ZFAND3: variants seen among roughly 807,000 people sequenced by gnomAD.
The protein encoded by ZFAND3 is zinc finger AN1-type containing 3.
Under a neutral mutation model 29.6 loss-of-function variants are expected in ZFAND3, and 10 were observed. That is an observed-to-expected ratio of 0.34 (90% CI 0.21 to 0.57). The LOEUF (loss-of-function observed/expected upper bound fraction) is 0.57, where lower values mean the gene tolerates loss of function less well. Ranked by LOEUF, ZFAND3 falls within the 20% of genes least tolerant of loss-of-function variation. The pLI, the probability that ZFAND3 is intolerant of heterozygous loss-of-function variation, is 0.86. For synonymous variants in ZFAND3, 128 were observed against 112.6 expected (o/e 1.14, Z -0.87); for missense variants, 230 against 304.5 (o/e 0.76, Z 1.82).
At chr6:37,914,387 C>G (rs984379277) in intron 1 of ZFAND3, among the ~76,000 whole-genome samples, 1 of 152,124 alleles carries the variant, frequency 6.6e-6, no homozygotes, top group Non-Finnish European at 1.5e-5. Context: ...CATTCTGTCA[C>G]CCAGGCTGGG....
In ZFAND3 at chr6:37,886,228, A is replaced by G. The variant is rs565190590; in HGVS notation, c.72-43731A>G. On this transcript the variant is annotated intron_variant, in intron 1 of 5. Coordinates refer to ENST00000287218, the MANE Select transcript of ZFAND3 (RefSeq NM_021943.3). ...ACTCCAGCCTAGGCTACAGAGCGAG[A>G]CTCTGTCTCAAAAAAAAAAAAAAAA... Among the ~76,000 whole-genome samples, 566 of 109,464 alleles carry G rather than the reference A, an allele frequency of 5.2e-3. 3 individuals carry two copies. The highest frequency in any genetic ancestry group is 8.0e-3 in the Non-Finnish European group (449 of 56,348). The allele number at this position is 109,464 out of a possible 152,430, so 71.8% of individuals were successfully genotyped here.
intron 2 of ZFAND3, among the ~76,000 whole-genome samples, chr6:38,011,609 A>G (rs1162440729): frequency 2.0e-5 from 3 of 152,226 alleles, no homozygotes; most frequent in Admixed American, 6.5e-5. Flanking sequence ...CATTTATGCT[A>G]AAAGTACCAA....
intron 2 of ZFAND3, among the ~76,000 whole-genome samples, chr6:37,951,944 G>T (rs751108539): frequency 6.6e-5 from 10 of 152,168 alleles, no homozygotes; most frequent in Non-Finnish European, 1.2e-4. Flanking sequence ...CTGTTAAGAT[G>T]CATTTATTGA....
intron 5 of ZFAND3, among the ~76,000 whole-genome samples, chr6:38,121,802 TC>T (rs1006135185): frequency 6.6e-5 from 10 of 152,310 alleles, no homozygotes; most frequent in South Asian, 2.1e-4. Flanking sequence ...GTCAGGGCAT[TC>T]CCTGGTTTCT....
chr6:38,027,543 T>C (rs934491716), intron 2 of ZFAND3, among the ~76,000 whole-genome samples: 1 of 152,230 alleles, frequency 6.6e-6, no homozygotes, highest in Non-Finnish European at 1.5e-5. Flanking sequence ...CTATAAAATA[T>C]CAATGAATGT....
chr6:38,089,290 G>C (rs150291237), intron 4 of ZFAND3, among the ~76,000 whole-genome samples: 3,128 of 152,014 alleles, frequency 0.021, 98 homozygotes, highest in African/African-American at 0.072. Context: ...ACCACACCCG[G>C]CTAATTTTTG....
chr6:38,038,211 A>G (rs1262830179), intron 2 of ZFAND3, among the ~76,000 whole-genome samples: 1 of 152,154 alleles, frequency 6.6e-6, no homozygotes. Flanking sequence ...GAATACCCTA[A>G]AAGTAGAAGT....
intron 3 of ZFAND3, among the ~76,000 whole-genome samples, chr6:38,064,686 T>A (rs981997989): frequency 4.2e-5 from 6 of 144,348 alleles, no homozygotes; most frequent in Admixed American, 6.9e-5. Context: ...TTTTTTTTTT[T>A]AATATGAATA....
chr6:38,072,834 T>A (rs1425155595), intron 3 of ZFAND3, among the ~76,000 whole-genome samples: 1 of 152,356 alleles, frequency 6.6e-6, no homozygotes, highest in Non-Finnish European at 1.5e-5. Flanking sequence ...TCTCACTTTT[T>A]GATCCATCAA....
chr6:38,120,359 G>A (rs576898204), intron 5 of ZFAND3, among the ~76,000 whole-genome samples: 7 of 100,016 alleles, frequency 7.0e-5, no homozygotes, highest in South Asian at 6.3e-4. Flanking sequence ...TTGTGGAGAC[G>A]GAGTCGCCCA....
chr6:37,825,115 G>T (rs1178896027), intron 1 of ZFAND3, among the ~76,000 whole-genome samples: 1 of 147,962 alleles, frequency 6.8e-6, no homozygotes, highest in Non-Finnish European at 1.5e-5. Flanking sequence ...TCTAGCTAGT[G>T]TGCTTGGCTC....
intron 3 of ZFAND3, among the ~76,000 whole-genome samples, chr6:38,073,669 A>G (rs766921849): frequency 6.6e-6 from 1 of 152,234 alleles, no homozygotes; most frequent in Non-Finnish European, 1.5e-5. Flanking sequence ...GATGTCTTAG[A>G]ATGTCACTGT....
At chr6:38,100,978 G>A (rs1003202650) in intron 4 of ZFAND3, among the ~76,000 whole-genome samples, 27 of 152,008 alleles carry the variant, frequency 1.8e-4, no homozygotes, top group African/African-American at 6.3e-4. Context: ...TCTTAAAATC[G>A]GAATTATTTT....
Position 37,852,930 on chromosome 6 carries a change from T to C in ZFAND3, c.71+32914T>C, listed in dbSNP as rs76702527. ...AGTTTCTCAAAGGGTGTCCATTCCC[T>C]GCTGCTAATATTTTCTTCACTATAG... is the stretch of plus-strand genomic sequence containing the variant. On this transcript the variant is annotated intron_variant, in intron 1 of 5. Transcript: ENST00000287218. Among the ~76,000 whole-genome samples, 18 of 152,262 alleles carry C rather than the reference T, an allele frequency of 1.2e-4. No homozygotes were observed. The East Asian group carries it at 3.3e-3, about 28-fold the overall frequency.
intron 1 of ZFAND3, among the ~76,000 whole-genome samples, chr6:37,848,275 T>A (rs184743427): frequency 6.6e-6 from 1 of 152,384 alleles, no homozygotes; most frequent in Admixed American, 6.5e-5. Flanking sequence ...TGAAAAGTAC[T>A]TTTTAAAAAT....
chr6:38,134,194 G>A (rs1765798500), intron 5 of ZFAND3, among the ~76,000 whole-genome samples: 1 of 152,082 alleles, frequency 6.6e-6, no homozygotes, highest in Non-Finnish European at 1.5e-5. Flanking sequence ...CTGTACCTGG[G>A]TAATATGAGA....
chr6:37,866,573 C>T (rs947584525), intron 1 of ZFAND3, among the ~76,000 whole-genome samples: 2 of 152,146 alleles, frequency 1.3e-5, no homozygotes, highest in Non-Finnish European at 2.9e-5. Context: ...AGAAAGTAGT[C>T]ATGTTAAGGC....
chr6:38,060,009 A>G (rs1025526459), intron 2 of ZFAND3, among the ~76,000 whole-genome samples: 1 of 151,932 alleles, frequency 6.6e-6, no homozygotes, highest in Non-Finnish European at 1.5e-5. Context: ...CAATATAACC[A>G]TTTTTGGTTT....
At chr6:38,050,757 G>A (rs551280691) in intron 2 of ZFAND3, among the ~76,000 whole-genome samples, 12 of 152,244 alleles carry the variant, frequency 7.9e-5, no homozygotes, top group Admixed American at 2.6e-4. Context: ...GACTATAGGC[G>A]TGCACCACTG....
Sources: gnomAD v4.1 joint callset for allele counts (sites outside exome capture counted in the v4.1 genomes callset) on GRCh38, gnomAD v4.1.1 for gene constraint, MANE v1.5 for transcripts, NCBI Gene and HGNC (gene_info 2026-07-23, HGNC 2026-07-21) for gene names.